AFM: variants seen among roughly 807,000 people sequenced by gnomAD.
AFM encodes alpha-Alb.
Under a neutral mutation model 68.7 loss-of-function variants are expected in AFM, and 82 were observed. That is an observed-to-expected ratio of 1.19 (90% confidence interval 1.00 to 1.43). AFM has a LOEUF of 1.43. AFM is among the 40% of genes most tolerant of loss of function. The pLI is 0.00. For synonymous variants in AFM, 250 were observed against 234.2 expected (o/e 1.07, Z -0.61); for missense variants, 772 against 701.8 (o/e 1.10, Z -1.13).
At chr4:73,482,756 G>C (rs1466008449) in intron 1 of AFM, among the ~76,000 whole-genome samples, 2 of 151,834 alleles carry the variant, frequency 1.3e-5, no homozygotes, top group Non-Finnish European at 2.9e-5. Context: ...TTCTTACTTT[G>C]TCCCATCCAC....
intron 7 of AFM, among the ~76,000 whole-genome samples, chr4:73,489,694 G>A (rs1459191337): frequency 2.0e-5 from 3 of 152,160 alleles, no homozygotes; most frequent in East Asian, 1.9e-4. Context: ...CCAAGGAAAA[G>A]TATTGGTACG....
At chr4:73,487,967 G>C (rs545252032) in intron 6 of AFM, 146 bp downstream of exon 6, 2 of 560,826 alleles carry the variant, frequency 3.6e-6, no homozygotes, top group African/African-American at 3.8e-5. Flanking sequence ...GACAGCTCAG[G>C]ACCAGGACAT....
rs1176123723 is a variant in AFM at position 73,497,644 on chromosome 4, A to T, written c.1192-8A>T. ...AATGTTTGTAACCATGATTATTCTTATTTTCAGGAAGACAAATTCAATGAG... is the reference window on the plus strand; with the variant it reads ...AATGTTTGTAACCATGATTATTCTTTTTTTCAGGAAGACAAATTCAATGAG... On this transcript the variant is annotated splice_region_variant and splice_polypyrimidine_tract_variant and intron_variant, in intron 9 of 14. Coordinates refer to ENST00000226355, the MANE Select transcript of AFM (RefSeq NM_001133.2). 6.3e-7 allele frequency: 1 copy of T among 1,575,538 alleles called. No individual in the cohort carries two copies. Among genetic ancestry groups the T allele is most frequent in the Admixed American group, 1.7e-5 (1 of 58,386 alleles).
chr4:73,503,060 T>C lies in AFM; in HGVS notation c.1790T>C (p.Ile597Thr). 1.9e-6 allele frequency: 3 copies of C among 1,613,224 alleles called. No homozygotes were observed. Among genetic ancestry groups the C allele is most frequent in the South Asian group, 1.1e-5 (1 of 91,044 alleles). Reference sequence around the variant, plus strand: ...CATCCCTCACCTCAGAGTCCAAAAATTGGCAACTGAAGCCAGCTGCTGGAG... The same window carrying C: ...CATCCCTCACCTCAGAGTCCAAAAACTGGCAACTGAAGCCAGCTGCTGGAG... ...EVCFNEESPK[I>T]GN is the part of the protein sequence containing the mutation. Residue 597 changes from isoleucine to threonine, a missense_variant, in exon 14 of 15, where the codon ATT becomes ACT. By Grantham distance (89) the Ile-to-Thr change is moderately conservative (BLOSUM62 -1). Coordinates refer to ENST00000226355, the MANE Select transcript of AFM (RefSeq NM_001133.2).
intron 1 of AFM, among the ~76,000 whole-genome samples, chr4:73,483,536 A>G (rs1050796230): frequency 6.6e-6 from 1 of 152,232 alleles, no homozygotes; most frequent in African/African-American, 2.4e-5. Flanking sequence ...GCTGACCACC[A>G]GCATGCTACA....
chr4:73,497,341 A>G (rs1349630242), intron 9 of AFM, among the ~76,000 whole-genome samples: 1 of 152,214 alleles, frequency 6.6e-6, no homozygotes, highest in Non-Finnish European at 1.5e-5. Context: ...GCCACTTCAA[A>G]GTGACAACTG....
Position 73,495,444 on chromosome 4 carries a change from T to A in AFM, c.1191+12T>A. 1 of 1,596,922 alleles carries A rather than the reference T, an allele frequency of 6.3e-7. No individual in the cohort carries two copies. The highest frequency in any genetic ancestry group is 8.5e-7 in the Non-Finnish European group (1 of 1,175,962). Reference sequence around the variant, plus strand: ...GTTACCGTTACGCGGTAGGTTCCATTGTTGTAGGTTCAGAAAATCAAAAAA... The same window carrying A: ...GTTACCGTTACGCGGTAGGTTCCATAGTTGTAGGTTCAGAAAATCAAAAAA... On this transcript the variant is annotated intron_variant, in intron 9 of 14. Transcript: ENST00000226355.
chr4:73,490,323 T>A (rs150222337), intron 7 of AFM, among the ~76,000 whole-genome samples: 1 of 152,304 alleles, frequency 6.6e-6, no homozygotes, highest in East Asian at 1.9e-4. Flanking sequence ...ATGTTCCCAA[T>A]AATTATTTTT....
intron 4 of AFM, 94 bp from the exon 5 acceptor site, chr4:73,486,873 C>CTCCCTTCCCTTCCCT: frequency 8.2e-7 from 1 of 1,213,346 alleles, no homozygotes; most frequent in South Asian, 1.6e-5. Flanking sequence ...CCATCTTACC[C>CTCCCTTCCCTTCCCT]TCCCTTCCCT....
rs764146756 is a variant in AFM at position 73,484,210 on chromosome 4, T to G, written c.138-48T>G. 14 of 1,553,064 alleles carry G rather than the reference T, an allele frequency of 9.0e-6. No individual in the cohort carries two copies. The South Asian group carries it at 1.8e-4, about 20-fold the overall frequency. ...CCTGTGACTTTTTCTTGACCATAAATGGAAACTCTGCAACTGATCTTTGTA... is the reference window on the plus strand; with the variant it reads ...CCTGTGACTTTTTCTTGACCATAAAGGGAAACTCTGCAACTGATCTTTGTA... On this transcript the variant is annotated intron_variant, in intron 2 of 14. Transcript: ENST00000226355.
intron 1 of AFM, 47 bp from the exon 2 acceptor site, chr4:73,483,894 G>A (rs1476471427): frequency 1.4e-6 from 2 of 1,435,426 alleles, no homozygotes; most frequent in Non-Finnish European, 1.9e-6. Flanking sequence ...TTTGAAAAAT[G>A]TTAGAAAACC....
chr4:73,501,457 A>G (rs569776220), intron 12 of AFM, among the ~76,000 whole-genome samples: 1 of 152,166 alleles, frequency 6.6e-6, no homozygotes, highest in Non-Finnish European at 1.5e-5. Context: ...TAATTTTCCT[A>G]CTATACTACT....
At position 73,499,101 on chromosome 4, in the gene AFM, A is replaced by C. The variant is rs1473381677; in HGVS notation, c.1290-13A>C. 1.9e-6 allele frequency: 3 copies of C among 1,608,220 alleles called. No individual in the cohort carries two copies. The highest frequency in any genetic ancestry group is 1.7e-4 in the Middle Eastern group (1 of 6,010). Reference sequence around the variant, plus strand: ...GCTTTCATTCAGAACCAAACAGACAAATGTTCTTTCAGTTACCTCATCAGG... The same window carrying C: ...GCTTTCATTCAGAACCAAACAGACACATGTTCTTTCAGTTACCTCATCAGG... On this transcript the variant is annotated splice_polypyrimidine_tract_variant and intron_variant, in intron 10 of 14. Coordinates refer to ENST00000226355, the MANE Select transcript of AFM (RefSeq NM_001133.2).
At chr4:73,498,563 A>C (rs1721324302) in intron 10 of AFM, among the ~76,000 whole-genome samples, 1 of 152,208 alleles carries the variant, frequency 6.6e-6, no homozygotes, top group Non-Finnish European at 1.5e-5. Context: ...TACAGGTGTG[A>C]GCCACTGCAC....
At chr4:73,495,554 A>C in intron 9 of AFM, 122 bp downstream of exon 9, 2 of 1,219,644 alleles carry the variant, frequency 1.6e-6, no homozygotes, top group Non-Finnish European at 2.3e-6. Context: ...ATCTGAGTCC[A>C]CTGTAGATTC....
At chr4:73,495,063 T>G in intron 8 of AFM, 1 of 306,472 alleles carries the variant, frequency 3.3e-6, no homozygotes, top group African/African-American at 2.1e-5. Flanking sequence ...ATAATTCTAC[T>G]AATTCTCTCT....
At chr4:73,495,525 T>C in intron 9 of AFM, 93 bp downstream of exon 9, 1 of 1,503,190 alleles carries the variant, frequency 6.7e-7, no homozygotes, top group Non-Finnish European at 9.0e-7. Context: ...AGTCTGGGGG[T>C]AGAAAATGTG....
At chr4:73,503,684 G>A (rs1721476782) in intron 14 of AFM, among the ~76,000 whole-genome samples, 192 bp from the exon 15 acceptor site, 4 of 152,098 alleles carry the variant, frequency 2.6e-5, no homozygotes, top group Admixed American at 1.3e-4. Flanking sequence ...GCAACAAAAT[G>A]TTGCGTAGAT....
chr4:73,500,300 C>G, intron 12 of AFM, 73 bp downstream of exon 12: 1 of 1,279,172 alleles, frequency 7.8e-7, no homozygotes. Context: ...GAAGGTTTAT[C>G]TAGTGGATAT....
Sources: allele counts gnomAD v4.1 joint callset (sites outside exome capture counted in the v4.1 genomes callset), GRCh38; gene constraint gnomAD v4.1.1; transcripts MANE v1.5; gene names NCBI Gene and HGNC (gene_info 2026-07-23, HGNC 2026-07-21).